The following COL20A1 variants were observed in gnomAD, a reference collection of about 807,000 sequenced individuals.
COL20A1 encodes collagen alpha-1(XX) chain.
COL20A1 carries 164 observed loss-of-function variants against 152.9 expected under a neutral mutation model. The ratio of observed to expected loss-of-function variants is 1.07; its 90% confidence interval spans 0.94 to 1.22. COL20A1 has a LOEUF of 1.22. Among genes scored for constraint, COL20A1 ranks in the 50% most tolerant of loss-of-function variants. The pLI is 0.00. For synonymous variants in COL20A1, 864 were observed against 756.0 expected, an observed-to-expected ratio of 1.14 and a Z score of -2.34; for missense variants, 1,873 against 1,744.8, an observed-to-expected ratio of 1.07 and a Z score of -1.31.
chr20:63,295,380 G>T (rs190407728), intron 2 of COL20A1, among the ~76,000 whole-genome samples, 191 bp downstream of exon 2: 8 of 152,248 alleles, frequency 5.3e-5, no homozygotes, highest in Non-Finnish European at 8.8e-5. Flanking sequence ...CTTCAGCCTC[G>T]CCTTGGGAGC....
Position 63,331,095 on chromosome 20 carries a change from G to A in COL20A1, c.*379G>A, listed in dbSNP as rs1409139548. On this transcript the variant is annotated 3_prime_UTR_variant, in exon 36 of 36. Transcript: ENST00000358894. ...GCAGCAGTGCCCTGTGGCCGTCTCA[G>A]TAGCTCTAAAACAGGCTCAACAACA... The A allele has an allele frequency of 6.6e-6, 1 of 152,370 alleles. No individual in the cohort carries two copies. The highest frequency in any genetic ancestry group is 1.9e-4 in the East Asian group (1 of 5,194). 9.4% of individuals were successfully genotyped at this position (152,370 alleles called of 1,614,324 possible).
chr20:63,310,453 G>A lies in COL20A1; in HGVS notation c.1336G>A (p.Val446Met), dbSNP rs775264398. Residue 446 changes from valine (V) to methionine (M), a missense_variant, in exon 11 of 36, where the codon GTG becomes ATG. Val to Met is a conservative substitution (Grantham distance 21). Transcript: ENST00000358894. ...LASRTEYLVS[V>M]FPIYEGGVGE... ...CTCCCGCACAGAGTACCTGGTCTCCGTGTTCCCCATCTATGAGGGCGGGGT... is the reference window on the plus strand; with the variant it reads ...CTCCCGCACAGAGTACCTGGTCTCCATGTTCCCCATCTATGAGGGCGGGGT... The A allele has an allele frequency of 2.2e-5, 36 of 1,609,262 alleles. No homozygotes were observed. In the East Asian group the frequency reaches 4.0e-4, roughly 18 times the overall value.
chr20:63,297,807 G>A (rs770279077), intron 2 of COL20A1, 103 bp from the exon 3 acceptor site: 5 of 869,134 alleles, frequency 5.8e-6, no homozygotes, highest in Non-Finnish European at 9.1e-6. Flanking sequence ...GGATAGGACT[G>A]TGTTCCTCCC....
intron 31 of COL20A1, chr20:63,327,606 G>A: frequency 3.0e-6 from 1 of 336,428 alleles, no homozygotes; most frequent in African/African-American, 2.1e-5. Flanking sequence ...GCCAGCACAG[G>A]CCTGACCCGG....
intron 19 of COL20A1, 122 bp from the exon 20 acceptor site, chr20:63,315,282 C>G: frequency 1.0e-6 from 1 of 979,268 alleles, no homozygotes; most frequent in Non-Finnish European, 1.6e-6. Flanking sequence ...TAGCACAGTC[C>G]CACCTATACA....
intron 30 of COL20A1, among the ~76,000 whole-genome samples, chr20:63,326,417 G>A (rs756790782): frequency 1.3e-5 from 2 of 152,184 alleles, no homozygotes; most frequent in Admixed American, 6.5e-5. Flanking sequence ...CATCGGCCTC[G>A]GGCTGAGTGC....
At position 63,307,476 on chromosome 20, in the gene COL20A1, T is replaced by C. The variant is rs760516538; in HGVS notation, c.497-14T>C. 3.1e-6 allele frequency: 5 copies of C among 1,607,942 alleles called. No homozygotes were observed. Among genetic ancestry groups the C allele is most frequent in the Non-Finnish European group, 4.2e-6 (5 of 1,178,202 alleles). Reference sequence around the variant, plus strand: ...GGGCCTCACCTAGCACCTGACCCGCTCCCACCGCCCCAGCCGGCCCCCAGT... The same window carrying C: ...GGGCCTCACCTAGCACCTGACCCGCCCCCACCGCCCCAGCCGGCCCCCAGT... On this transcript the variant is annotated splice_polypyrimidine_tract_variant and intron_variant, in intron 5 of 35. Coordinates refer to ENST00000358894, the MANE Select transcript of COL20A1 (RefSeq NM_020882.4).
intron 26 of COL20A1, among the ~76,000 whole-genome samples, chr20:63,321,312 G>A (rs1252052711): frequency 6.6e-6 from 1 of 152,128 alleles, no homozygotes; most frequent in Non-Finnish European, 1.5e-5. Context: ...CCCAGGCTGG[G>A]CCTCCCCTGC....
At position 63,326,128 on chromosome 20, in the gene COL20A1, G is replaced by A; in HGVS notation, c.3435G>A (p.Leu1145=). The A allele has an allele frequency of 1.2e-6, 2 of 1,612,554 alleles. No individual in the cohort carries two copies. Among genetic ancestry groups the A allele is most frequent in the East Asian group, 2.2e-5 (1 of 44,856 alleles). The part of the protein sequence containing the change: ...GMRGLEGTAG[L]PGPPGPRGFQ... Reference sequence around the variant, plus strand: ...GAGGCCTGGAGGGAACTGCTGGCCTGCCTGGACCCCCTGGCCCCAGGGTAG... The same window carrying A: ...GAGGCCTGGAGGGAACTGCTGGCCTACCTGGACCCCCTGGCCCCAGGGTAG... Residue 1145 remains leucine (L), a synonymous_variant, in exon 30 of 36, where the codon CTG becomes CTA. Coordinates refer to ENST00000358894, the MANE Select transcript of COL20A1 (RefSeq NM_020882.4).
In COL20A1 at chr20:63,305,469, G is replaced by T. The variant is rs201791689; in HGVS notation, c.246G>T (p.Val82=). The change falls in exon 4 of 36, where the codon GTG becomes GTT. Residue 82 remains valine (V), a synonymous_variant. Coordinates refer to ENST00000358894, the MANE Select transcript of COL20A1 (RefSeq NM_020882.4). The surrounding 1 kb of genome is among the most constrained non-coding windows in gnomAD (Gnocchi z 4.9). The stretch of plus-strand genomic sequence containing the variant: ...CCACCAAGACCCCTAAGGCCACAGT[G>T]GGGGGCCTGAGCCCCTCCAAGGGCT... ...ILTTKTPKAT[V]GGLSPSKGYT... The T allele has an allele frequency of 5.0e-6, 8 of 1,602,930 alleles. No homozygotes were observed. Among genetic ancestry groups the T allele is most frequent in the Non-Finnish European group, 4.3e-6 (5 of 1,175,576 alleles).
At chr20:63,315,351 G>T (rs1044018449) in intron 19 of COL20A1, 53 bp from the exon 20 acceptor site, 4 of 1,532,296 alleles carry the variant, frequency 2.6e-6, no homozygotes, top group Admixed American at 3.9e-5. Flanking sequence ...GGTCTGTCAG[G>T]CGTTGGAGGC....
intron 26 of COL20A1, among the ~76,000 whole-genome samples, chr20:63,321,527 G>T: frequency 6.6e-6 from 1 of 152,214 alleles, no homozygotes; most frequent in Non-Finnish European, 1.5e-5. Context: ...AGGGTGTGAC[G>T]TGGGCCGGCT....
intron 35 of COL20A1, among the ~76,000 whole-genome samples, chr20:63,330,198 C>A (rs145423956): frequency 3.3e-5 from 5 of 152,218 alleles, no homozygotes; most frequent in Admixed American, 6.5e-5. Flanking sequence ...GCAAACTTAG[C>A]TGAGGGGCTG....
rs1271987016 is a variant in COL20A1 at position 63,325,590 on chromosome 20, G to T, written c.3349-78G>T. 1.1e-5 allele frequency: 17 copies of T among 1,551,698 alleles called. No homozygotes were observed. In the Admixed American group the frequency reaches 1.9e-4, roughly 17 times the overall value. ...AGTGCCTGGGGGGCACAGGGGTTGG[G>T]GGTGAGGCCTCACAGGCAGGGCCAC... On this transcript the variant is annotated intron_variant, in intron 28 of 35. Coordinates refer to ENST00000358894, the MANE Select transcript of COL20A1 (RefSeq NM_020882.4).
intron 27 of COL20A1, 79 bp from the exon 28 acceptor site, chr20:63,325,362 G>A: frequency 9.2e-7 from 1 of 1,092,420 alleles, no homozygotes; most frequent in Non-Finnish European, 1.4e-6. Flanking sequence ...CCAGGGGCCT[G>A]TGGTAGGTGT....
At chr20:63,301,793 T>C (rs576505154) in intron 3 of COL20A1, among the ~76,000 whole-genome samples, 1 of 152,222 alleles carries the variant, frequency 6.6e-6, no homozygotes, top group South Asian at 2.1e-4. Flanking sequence ...CAGCCTTTCA[T>C]TTTAGATGTG....
chr20:63,304,132 T>C (rs1282939122), intron 3 of COL20A1, among the ~76,000 whole-genome samples: 4 of 110,890 alleles, frequency 3.6e-5, no homozygotes, highest in East Asian at 2.9e-4. Flanking sequence ...TCCCTCCTCT[T>C]CTCCCTCCAG....
chr20:63,309,352 G>A lies in COL20A1; in HGVS notation c.960G>A (p.Glu320=). 1.3e-6 allele frequency: 2 copies of A among 1,520,668 alleles called. No homozygotes were observed. The highest frequency in any genetic ancestry group is 8.9e-7 in the Non-Finnish European group (1 of 1,127,950). The allele number at this position is 1,520,668 out of a possible 1,614,324, so 94.2% of individuals were successfully genotyped here. Residue 320 remains glutamate, a synonymous_variant, in exon 9 of 36, where the codon GAG becomes GAA. Coordinates refer to ENST00000358894, the MANE Select transcript of COL20A1 (RefSeq NM_020882.4). ...GAGCAGGTGTGAAGAACGCCGATGA[G>A]GCTGAGCTGAGGCTCCTGGCGTCCC... The part of the protein sequence containing the change: ...VFAVGVKNAD[E]AELRLLASPP...
chr20:63,301,331 G>A (rs996701091), intron 3 of COL20A1, among the ~76,000 whole-genome samples: 7 of 152,020 alleles, frequency 4.6e-5, no homozygotes, highest in South Asian at 2.1e-4. Context: ...AAAGTACCTC[G>A]CTTTATGGTC....
Sources: gnomAD v4.1 joint callset for allele counts (sites outside exome capture counted in the v4.1 genomes callset) on GRCh38, gnomAD v4.1.1 for gene constraint, Gnocchi (gnomAD v3.1) non-coding constraint, MANE v1.5 for transcripts, NCBI Gene and HGNC (gene_info 2026-07-23, HGNC 2026-07-21) for gene names.